PIK3C2G: variants seen among roughly 807,000 people sequenced by gnomAD.
PIK3C2G encodes the protein phosphatidylinositol 3-kinase C2 domain-containing subunit gamma.
Under a neutral mutation model 181.1 loss-of-function variants are expected in PIK3C2G, and 168 were observed. The ratio of observed to expected loss-of-function variants is 0.93; its 90% CI spans 0.82 to 1.05. The LOEUF (loss-of-function observed/expected upper bound fraction) is 1.05, where lower values mean the gene tolerates loss of function less well. Among genes scored for constraint, PIK3C2G ranks in the 50% least tolerant of loss-of-function variants. The pLI is 0.00. For synonymous variants in PIK3C2G, 573 were observed against 592.2 expected (o/e 0.97, Z 0.47); for missense variants, 1,869 against 1,732.8 (o/e 1.08, Z -1.40).
upstream of PIK3C2G, among the ~76,000 whole-genome samples, chr12:18,243,194 CTGTGTGTG>C (rs71440357): frequency 2.6e-4 from 38 of 148,318 alleles, no homozygotes; most frequent in African/African-American, 6.4e-4. Context: ...TAAAGTCTTT[CTGTGTGTG>C]TGTGTGTGTG....
chr12:18,558,029 G>A (rs1945099122), intron 26 of PIK3C2G, among the ~76,000 whole-genome samples: 2 of 152,068 alleles, frequency 1.3e-5, no homozygotes, highest in South Asian at 4.1e-4. Context: ...TATTTAGGAG[G>A]CCAAAGGGCC....
intron 9 of PIK3C2G, among the ~76,000 whole-genome samples, chr12:18,342,746 G>T (rs1436511193): frequency 6.6e-6 from 1 of 151,740 alleles, no homozygotes; most frequent in Non-Finnish European, 1.5e-5. Flanking sequence ...TAATGGACAT[G>T]AATTTAAAGA....
At chr12:18,280,526 T>C (rs1050176122) in intron 1 of PIK3C2G, among the ~76,000 whole-genome samples, 11 of 152,036 alleles carry the variant, frequency 7.2e-5, no homozygotes, top group African/African-American at 2.6e-4. Context: ...TCAAGTCCTT[T>C]TGAGGAGCCA....
intron 18 of PIK3C2G, among the ~76,000 whole-genome samples, chr12:18,485,323 A>G (rs555607749): frequency 1.3e-5 from 2 of 152,122 alleles, no homozygotes; most frequent in Admixed American, 6.5e-5. Context: ...GAAATGTAGA[A>G]AAGTTCTAAT....
intron 14 of PIK3C2G, among the ~76,000 whole-genome samples, chr12:18,383,795 TGGTTTG>T (rs994034120): frequency 6.6e-6 from 1 of 151,398 alleles, no homozygotes; most frequent in East Asian, 1.9e-4. Context: ...ACACTTGTTT[TGGTTTG>T]GGTTTGGGTG....
chr12:18,581,939 C>T (rs996166260), intron 29 of PIK3C2G, among the ~76,000 whole-genome samples: 4 of 151,972 alleles, frequency 2.6e-5, no homozygotes, highest in African/African-American at 9.7e-5. Context: ...CAGTTGGACA[C>T]CAGAAGACTG....
At chr12:18,439,847 A>G (rs931669579) in intron 18 of PIK3C2G, among the ~76,000 whole-genome samples, 1 of 152,082 alleles carries the variant, frequency 6.6e-6, no homozygotes, top group Non-Finnish European at 1.5e-5. Flanking sequence ...TATTAATCAC[A>G]CACCATGTAT....
At chr12:18,611,254 C>A (rs1464355591) in intron 31 of PIK3C2G, among the ~76,000 whole-genome samples, 1 of 151,914 alleles carries the variant, frequency 6.6e-6, no homozygotes, top group Non-Finnish European at 1.5e-5. Flanking sequence ...GACCAAATGA[C>A]CCTAAAAAAT....
intron 24 of PIK3C2G, among the ~76,000 whole-genome samples, chr12:18,534,815 G>GAAA (rs148775105): frequency 4.0e-5 from 5 of 123,748 alleles, no homozygotes; most frequent in African/African-American, 1.4e-4. Flanking sequence ...AGAGAGAGAT[G>GAAA]AAAAAAAAAA....
intron 24 of PIK3C2G, among the ~76,000 whole-genome samples, chr12:18,507,035 C>CT (rs761922159): frequency 0.025 from 3,704 of 145,736 alleles, 64 homozygotes; most frequent in Non-Finnish European, 0.034. Context: ...TTTTCTTTTA[C>CT]TTTTTTTTTT....
intron 16 of PIK3C2G, among the ~76,000 whole-genome samples, chr12:18,403,908 A>G (rs1217108985): frequency 6.6e-6 from 1 of 152,148 alleles, no homozygotes; most frequent in African/African-American, 2.4e-5. Flanking sequence ...TGCTAATAAC[A>G]AGCAAAAATT....
chr12:18,538,374 G>A (rs1943972832), intron 25 of PIK3C2G, 62 bp downstream of exon 25: 1 of 1,446,532 alleles, frequency 6.9e-7, no homozygotes, highest in East Asian at 2.3e-5. Context: ...TGCTTCAGTA[G>A]TCTATTTTTA....
intron 15 of PIK3C2G, among the ~76,000 whole-genome samples, chr12:18,395,427 C>T (rs1019553150): frequency 5.4e-5 from 8 of 149,124 alleles, no homozygotes. Flanking sequence ...AATTATGTTG[C>T]AAAAATTAAG....
intron 6 of PIK3C2G, among the ~76,000 whole-genome samples, chr12:18,318,413 C>A (rs535809166): frequency 2.6e-5 from 4 of 151,984 alleles, no homozygotes; most frequent in Non-Finnish European, 4.4e-5. Context: ...ACATAAGTAA[C>A]CCTTGATTTG....
Position 18,648,237 on chromosome 12 carries a change from G to A in PIK3C2G, c.*209G>A, listed in dbSNP as rs1290295955. ...TCATAATCTTTTCTCCTTCAGTGGAGTACTGATTGCATGAAATTTGATGTG... is the reference window on the plus strand; with the variant it reads ...TCATAATCTTTTCTCCTTCAGTGGAATACTGATTGCATGAAATTTGATGTG... On this transcript the variant is annotated 3_prime_UTR_variant, in exon 33 of 33. Transcript: ENST00000538779. 2 of 308,784 alleles carry A rather than the reference G, an allele frequency of 6.5e-6. No homozygotes were observed. Among genetic ancestry groups the A allele is most frequent in the Non-Finnish European group, 5.9e-6 (1 of 169,158 alleles). 19.1% of individuals were successfully genotyped at this position (308,784 alleles called of 1,614,324 possible). A position where few individuals can be genotyped will look rare whatever the true frequency, so the allele number is the denominator to read the frequency against.
Position 18,609,562 on chromosome 12 carries a change from A to T in PIK3C2G, c.4115A>T (p.Lys1372Met), listed in dbSNP as rs754689251. Residue 1372 changes from lysine (K) to methionine (M), a missense_variant, in exon 31 of 33, where the codon AAG becomes ATG. Transcript: ENST00000538779. Reference protein sequence around the residue: ...LGEKFPDKKPKVQLVISYEDV... With the variant: ...LGEKFPDKKPMVQLVISYEDV... ...GAGAAGTTTCCAGACAAGAAGCCTAAGGTGCAGTTAGTCATATCCTACGAG... is the reference window on the plus strand; with the variant it reads ...GAGAAGTTTCCAGACAAGAAGCCTATGGTGCAGTTAGTCATATCCTACGAG... 1 of 1,586,678 alleles carries T rather than the reference A, an allele frequency of 6.3e-7. No homozygotes were observed. Among genetic ancestry groups the T allele is most frequent in the East Asian group, 2.3e-5 (1 of 44,084 alleles).
chr12:18,268,934 T>A (rs893943161), intron 1 of PIK3C2G, among the ~76,000 whole-genome samples: 1 of 151,836 alleles, frequency 6.6e-6, no homozygotes, highest in African/African-American at 2.4e-5. Flanking sequence ...TTTTTTTTTT[T>A]AAACGAGTCT....
At chr12:18,330,913 A>G (rs1937888569) in intron 8 of PIK3C2G, among the ~76,000 whole-genome samples, 1 of 152,158 alleles carries the variant, frequency 6.6e-6, no homozygotes, top group Non-Finnish European at 1.5e-5. Context: ...ATCTTTGTGA[A>G]GTCCAGGTTT....
At position 18,491,460 on chromosome 12, in the gene PIK3C2G, A is replaced by G; in HGVS notation, c.2695A>G (p.Lys899Glu). The G allele has an allele frequency of 6.4e-7, 1 of 1,568,942 alleles. No homozygotes were observed. Among genetic ancestry groups the G allele is most frequent in the Non-Finnish European group, 8.8e-7 (1 of 1,141,270 alleles). Reference sequence around the variant, plus strand: ...TAATGATTTTTCACAGGAGGTACTGAAGAAAGAAATTGGCAGACTAGAAGA... The same window carrying G: ...TAATGATTTTTCACAGGAGGTACTGGAGAAAGAAATTGGCAGACTAGAAGA... ...ASDHQRQEVL[K>E]KEIGRLEEFF... Residue 899 changes from lysine (K) to glutamate (E), a missense_variant, in exon 20 of 33, where the codon AAG becomes GAG. Physicochemically the swap from Lys to Glu is moderately conservative, Grantham distance 56. Transcript: ENST00000538779.
Sources: allele counts gnomAD v4.1 joint callset (sites outside exome capture counted in the v4.1 genomes callset), GRCh38; gene constraint gnomAD v4.1.1; transcripts MANE v1.5; gene names NCBI Gene and HGNC (gene_info 2026-07-23, HGNC 2026-07-21).